Variants in SYCP3 observed in about 807,000 individuals in gnomAD.
SYCP3 encodes the protein synaptonemal complex protein 3.
A neutral mutation model predicts 38.5 loss-of-function variants in SYCP3; 29 were observed. The observed-to-expected ratio is 0.75, with a 90% CI of 0.56 to 1.03. SYCP3 has a LOEUF of 1.03. Among genes scored for constraint, SYCP3 ranks in the 50% least tolerant of loss-of-function variants. The pLI, the probability that SYCP3 is intolerant of heterozygous loss-of-function variation, is 0.00. For synonymous variants in SYCP3, 79 were observed against 80.3 expected (o/e 0.98, Z 0.08); for missense variants, 242 against 270.7 (o/e 0.89, Z 0.74).
Position 101,736,112 on chromosome 12 carries a change from C to A in SYCP3, c.235+925G>T, listed in dbSNP as rs75293980. Among the ~76,000 whole-genome samples the A allele has an allele frequency of 0.022, 3,331 of 151,528 alleles. 337 individuals are homozygous for A. In the East Asian group the frequency reaches 0.32, roughly 14 times the overall value. On this transcript the variant is annotated intron_variant, in intron 4 of 8. Coordinates refer to ENST00000392924, the MANE Select transcript of SYCP3 (RefSeq NM_001177949.2). ...GATAAATTAAGATCACTTTATTTTT[C>A]AATGAGAAATAGGTGAATAAGATCA...
At position 101,729,138 on chromosome 12, in the gene SYCP3, T is replaced by C; in HGVS notation, c.628A>G (p.Met210Val). The C allele has an allele frequency of 6.2e-7, 1 of 1,612,578 alleles. No individual in the cohort carries two copies. The highest frequency in any genetic ancestry group is 8.5e-7 in the Non-Finnish European group (1 of 1,179,046). Reference protein sequence around the residue: ...AQNEFKKEMAMLQKKIMMETQ... With the variant: ...AQNEFKKEMAVLQKKIMMETQ... The stretch of plus-strand genomic sequence containing the variant: ...TCCATCATAATTTTTTTTTGCAACA[T>C]AGCCATTTCTTTTTTAAATTCATTT... The change falls in exon 8 of 9, where the codon ATG (methionine) becomes GTG (valine). Residue 210 changes from methionine (M) to valine (V), a missense_variant. Coordinates refer to ENST00000392924, the MANE Select transcript of SYCP3 (RefSeq NM_001177949.2).
Position 101,735,871 on chromosome 12 carries a change from A to ATATTT in SYCP3, c.236-828_236-827insAAATA. ...CAATTTTATATATATATATATATAT[A>ATATTT]TTTTTTTTTTTTTAAAGACACGGGG... is the stretch of plus-strand genomic sequence containing the variant. On this transcript the variant is annotated intron_variant, in intron 4 of 8. Coordinates refer to ENST00000392924, the MANE Select transcript of SYCP3 (RefSeq NM_001177949.2). Among the ~76,000 whole-genome samples the ATATTT allele has an allele frequency of 5.4e-4, 40 of 74,764 alleles. 2 individuals are homozygous for ATATTT. Among genetic ancestry groups the ATATTT allele is most frequent in the South Asian group, 1.7e-3 (4 of 2,344 alleles). The allele number at this position is 74,764 out of a possible 152,430, so 49.0% of individuals were successfully genotyped here.
intron 4 of SYCP3, 37 bp downstream of exon 4, chr12:101,737,000 C>T (rs776765998): frequency 6.2e-7 from 1 of 1,605,270 alleles, no homozygotes; most frequent in East Asian, 2.2e-5. Context: ...TGGCTTAAAA[C>T]AATTTTCTTT....
chr12:101,731,707 G>C, intron 6 of SYCP3, 41 bp from the exon 7 acceptor site: 1 of 1,411,154 alleles, frequency 7.1e-7, no homozygotes. Flanking sequence ...ATAACAATTT[G>C]GGTAAAATTT....
Position 101,729,220 on chromosome 12 carries a change from A to G in SYCP3, c.553-7T>C, listed in dbSNP as rs1952075709. 1 of 1,612,204 alleles carries G rather than the reference A, an allele frequency of 6.2e-7. No homozygotes were observed. The highest frequency in any genetic ancestry group is 1.3e-5 in the African/African-American group (1 of 74,880). ...TCTCCAACTCTTCCATACTCTAAAA[A>G]CACAAAAGACAAGTTAAGTTACAAA... is the stretch of plus-strand genomic sequence containing the variant. On this transcript the variant is annotated splice_region_variant and splice_polypyrimidine_tract_variant and intron_variant, in intron 7 of 8. Coordinates refer to ENST00000392924, the MANE Select transcript of SYCP3 (RefSeq NM_001177949.2).
At chr12:101,731,969 T>C in intron 6 of SYCP3, 1 of 255,032 alleles carries the variant, frequency 3.9e-6, no homozygotes, top group Non-Finnish European at 7.6e-6. Flanking sequence ...TTTCGTGACC[T>C]GTTTCTCAAT....
chr12:101,730,288 CAG>C (rs1380840611), intron 7 of SYCP3, among the ~76,000 whole-genome samples: 4 of 151,952 alleles, frequency 2.6e-5, no homozygotes, highest in African/African-American at 7.3e-5. Context: ...CTGGATGTGA[CAG>C]AGAAAGGAGA....
At position 101,733,688 on chromosome 12, in the gene SYCP3, T is replaced by A. The variant is rs1228596758; in HGVS notation, c.354-14A>T. ...TTAAGCTTCTGCCTGTAAAACATAATGATGAATTATTGTCATATTTCATAC... is the reference window on the plus strand; with the variant it reads ...TTAAGCTTCTGCCTGTAAAACATAAAGATGAATTATTGTCATATTTCATAC... On this transcript the variant is annotated splice_polypyrimidine_tract_variant and intron_variant, in intron 5 of 8. Transcript: ENST00000392924. The A allele has an allele frequency of 6.2e-7, 1 of 1,603,096 alleles. No homozygotes were observed. Among genetic ancestry groups the A allele is most frequent in the Non-Finnish European group, 8.5e-7 (1 of 1,175,660 alleles).
At chr12:101,735,560 C>T (rs12831675) in intron 4 of SYCP3, among the ~76,000 whole-genome samples, 1 of 151,916 alleles carries the variant, frequency 6.6e-6, no homozygotes, top group African/African-American at 2.4e-5. Flanking sequence ...ACTTGGCAGA[C>T]TGAGGCAGGA....
chr12:101,729,723 A>T (rs2137044433), intron 7 of SYCP3: 1 of 152,604 alleles, frequency 6.6e-6, no homozygotes, highest in Non-Finnish European at 1.5e-5. Context: ...TAGAGAAATT[A>T]AAAAACAATA....
In SYCP3 at chr12:101,733,629, A is replaced by G. The variant is rs781525739; in HGVS notation, c.399T>C (p.Phe133=). The change falls in exon 6 of 9, where the codon TTT becomes TTC. Residue 133 remains phenylalanine (F), a synonymous_variant. Coordinates refer to ENST00000392924, the MANE Select transcript of SYCP3 (RefSeq NM_001177949.2). ...TCTGCATATCTAAATCCCACTGCTG[A>G]AACAAAGTCAGAAACTGCTGAGAAT... ...QEYSQQFLTL[F]QQWDLDMQKA... 1.2e-6 allele frequency: 2 copies of G among 1,612,412 alleles called. No homozygotes were observed. The highest frequency in any genetic ancestry group is 3.3e-5 in the Admixed American group (2 of 60,022).
chr12:101,736,073 TAAGTAA>T (rs1420124251), intron 4 of SYCP3, among the ~76,000 whole-genome samples: 3 of 151,518 alleles, frequency 2.0e-5, no homozygotes, highest in Admixed American at 2.0e-4. Flanking sequence ...AATCTTAGTT[TAAGTAA>T]ATTTCTAGAT....
chr12:101,735,127 G>C, intron 4 of SYCP3, 83 bp from the exon 5 acceptor site: 1 of 881,214 alleles, frequency 1.1e-6, no homozygotes, highest in Non-Finnish European at 1.8e-6. Context: ...TATGGGTAAG[G>C]TTGGTTCAAC....
chr12:101,735,010 CT>C lies in SYCP3; in HGVS notation c.269del (p.Lys90ArgfsTer3), dbSNP rs1297047562. ...DINKALLAKR[K>X]RLEMYTKASL... ...AAGCCTTGGTATACATTTCTAGTCT[CT>C]TTCTCTTGGCAAGAAGAGCCTTGTT... On this transcript the variant is annotated frameshift_variant, in exon 5 of 9. Transcript: ENST00000392924. LOFTEE classifies it high-confidence loss of function. 2 of 1,613,032 alleles carry C rather than the reference CT, an allele frequency of 1.2e-6. No homozygotes were observed. The highest frequency in any genetic ancestry group is 1.7e-5 in the Admixed American group (1 of 59,978).
intron 7 of SYCP3, among the ~76,000 whole-genome samples, chr12:101,731,319 T>C (rs1952181477): frequency 1.3e-5 from 2 of 152,198 alleles, no homozygotes; most frequent in African/African-American, 4.8e-5. Flanking sequence ...ATGGATTTTA[T>C]GCATGATAAG....
intron 3 of SYCP3, 66 bp downstream of exon 3, chr12:101,737,166 T>C: frequency 6.2e-7 from 1 of 1,603,562 alleles, no homozygotes; most frequent in Admixed American, 1.7e-5. Context: ...TTTACATATA[T>C]TATTTGTTAG....
Position 101,734,955 on chromosome 12 carries a change from G to T in SYCP3, c.325C>A (p.His109Asn). Residue 109 changes from histidine (H) to asparagine (N), a missense_variant, in exon 5 of 9, where the codon CAT (histidine) becomes AAT (asparagine). His to Asn is a moderately conservative substitution (Grantham distance 68, BLOSUM62 1). Coordinates refer to ENST00000392924, the MANE Select transcript of SYCP3 (RefSeq NM_001177949.2). ...SLKTSNQKIE[H>N]VWKTQQDQRQ... ...TGATCTTGTTGTGTTTTCCAAACAT[G>T]TTCAATTTTCTGGTTACTAGTTTTG... 6.2e-7 allele frequency: 1 copy of T among 1,612,994 alleles called. No individual in the cohort carries two copies. The highest frequency in any genetic ancestry group is 2.2e-5 in the East Asian group (1 of 44,806).
At position 101,735,871 on chromosome 12, in the gene SYCP3, A is replaced by ATATATTTTTTT; in HGVS notation, c.236-828_236-827insAAAAAAATATA. Among the ~76,000 whole-genome samples, 13 of 74,790 alleles carry ATATATTTTTTT rather than the reference A, an allele frequency of 1.7e-4. 1 individual carries two copies. Among genetic ancestry groups the ATATATTTTTTT allele is most frequent in the African/African-American group, 8.2e-4 (13 of 15,920 alleles). 49.1% of individuals were successfully genotyped at this position (74,790 alleles called of 152,430 possible). ...CAATTTTATATATATATATATATAT[A>ATATATTTTTTT]TTTTTTTTTTTTTAAAGACACGGGG... On this transcript the variant is annotated intron_variant, in intron 4 of 8. Transcript: ENST00000392924.
At chr12:101,739,214 C>T (rs1952612993) in intron 1 of SYCP3, 137 bp downstream of exon 1, 7 of 953,652 alleles carry the variant, frequency 7.3e-6, no homozygotes, top group Non-Finnish European at 8.8e-6. Context: ...CTGCTCAAGG[C>T]CCTGTCCTCA....
Sources: gnomAD v4.1 joint callset for allele counts (sites outside exome capture counted in the v4.1 genomes callset) on GRCh38, gnomAD v4.1.1 for gene constraint, MANE v1.5 for transcripts, NCBI Gene and HGNC (gene_info 2026-07-23, HGNC 2026-07-21) for gene names.